The following FNBP1L variants were observed in gnomAD, a reference collection of about 807,000 sequenced individuals.
The protein encoded by FNBP1L is formin binding protein 1 like.
FNBP1L carries 36 observed loss-of-function variants against 91.2 expected under a neutral mutation model. The ratio of observed to expected loss-of-function variants is 0.39; its 90% CI spans 0.30 to 0.52. The LOEUF is 0.52. FNBP1L is among the 20% of genes least tolerant of loss of function. The pLI, the probability that FNBP1L is intolerant of heterozygous loss-of-function variation, is 0.66. For missense variants in FNBP1L, 571 were observed against 732.1 expected, an observed-to-expected ratio of 0.78 and a Z score of 2.54; for synonymous variants, 242 against 237.0, an observed-to-expected ratio of 1.02 and a Z score of -0.19.
chr1:93,450,109 C>G (rs962979125), intron 1 of FNBP1L, among the ~76,000 whole-genome samples: 1 of 151,782 alleles, frequency 6.6e-6, no homozygotes, highest in East Asian at 1.9e-4. Context: ...TTGTATCACA[C>G]TAAAGAATAA....
chr1:93,534,619 GT>G, intron 8 of FNBP1L, 85 bp from the exon 9 acceptor site: 4 of 798,326 alleles, frequency 5.0e-6, no homozygotes, highest in Non-Finnish European at 7.7e-6. Context: ...TATATTTGTT[GT>G]TTTTTTGTAC....
In FNBP1L at chr1:93,510,596, A is replaced by G. The variant is rs537954935; in HGVS notation, c.140+11013A>G. 4.1e-4 allele frequency among the ~76,000 whole-genome samples: 63 copies of G among 152,112 alleles called. 1 individual carries two copies. Among genetic ancestry groups the G allele is most frequent in the Admixed American group, 1.2e-3 (19 of 15,266 alleles). ...ACAGTTCCTCACCAGCAACGGAACA[A>G]AGCTGGACGGAGAATGACTTTGATG... On this transcript the variant is annotated intron_variant, in intron 2 of 16. Coordinates refer to ENST00000271234, the MANE Select transcript of FNBP1L (RefSeq NM_001164473.3).
intron 4 of FNBP1L, among the ~76,000 whole-genome samples, chr1:93,523,780 A>G (rs893519653): frequency 6.6e-6 from 1 of 152,234 alleles, no homozygotes; most frequent in Non-Finnish European, 1.5e-5. Flanking sequence ...AAAAAGAATA[A>G]TATTTCATGA....
chr1:93,516,543 C>T (rs955313071), intron 2 of FNBP1L, among the ~76,000 whole-genome samples: 2 of 152,206 alleles, frequency 1.3e-5, no homozygotes, highest in African/African-American at 4.8e-5. Flanking sequence ...GGGCTGGGCA[C>T]GATGGCTCAC....
chr1:93,457,149 ACTGGGGAT>A (rs1292105076), intron 1 of FNBP1L, among the ~76,000 whole-genome samples: 1 of 152,126 alleles, frequency 6.6e-6, no homozygotes, highest in African/African-American at 2.4e-5. Context: ...CTCCCAAAGC[ACTGGGGAT>A]TACAAGTGTG....
intron 12 of FNBP1L, among the ~76,000 whole-genome samples, chr1:93,545,652 T>C (rs1672197278): frequency 6.6e-6 from 1 of 152,046 alleles, no homozygotes; most frequent in South Asian, 2.1e-4. Context: ...AATTGAAAAC[T>C]GTATGAAGAG....
intron 2 of FNBP1L, among the ~76,000 whole-genome samples, chr1:93,501,087 T>C (rs1012271290): frequency 5.3e-5 from 8 of 152,118 alleles, no homozygotes; most frequent in Non-Finnish European, 8.8e-5. Flanking sequence ...AAATAAAAAT[T>C]CTATTTAAAT....
intron 1 of FNBP1L, among the ~76,000 whole-genome samples, chr1:93,453,109 A>G (rs1476674962): frequency 6.6e-6 from 1 of 152,180 alleles, no homozygotes; most frequent in Non-Finnish European, 1.5e-5. Context: ...CTACCACCTT[A>G]TATTACGGTT....
intron 1 of FNBP1L, among the ~76,000 whole-genome samples, chr1:93,477,203 T>C (rs1238875357): frequency 1.3e-5 from 2 of 152,184 alleles, no homozygotes; most frequent in Non-Finnish European, 2.9e-5. Context: ...CAAATGGTAA[T>C]TGTAGCTTGG....
chr1:93,501,142 A>G (rs1168081965), intron 2 of FNBP1L, among the ~76,000 whole-genome samples: 4 of 152,192 alleles, frequency 2.6e-5, no homozygotes. Flanking sequence ...TCAGATTTCT[A>G]TTGGAAAATT....
chr1:93,451,843 G>A (rs1298896700), intron 1 of FNBP1L, among the ~76,000 whole-genome samples: 3 of 151,978 alleles, frequency 2.0e-5, no homozygotes, highest in Non-Finnish European at 4.4e-5. Flanking sequence ...GTAGAAACAG[G>A]TTTTCACCAC....
At chr1:93,485,296 ATAGT>A (rs1669862475) in intron 1 of FNBP1L, among the ~76,000 whole-genome samples, 1 of 152,232 alleles carries the variant, frequency 6.6e-6, no homozygotes, top group African/African-American at 2.4e-5. Context: ...ATATGCTCTG[ATAGT>A]TTGTAAATTT....
chr1:93,450,388 A>G (rs1436801203), intron 1 of FNBP1L, among the ~76,000 whole-genome samples: 2 of 152,208 alleles, frequency 1.3e-5, no homozygotes, highest in Admixed American at 6.5e-5. Context: ...ATACATCTCC[A>G]TATTTTAAGA....
rs141163568 is a variant in FNBP1L, at chr1:93,452,081, T to C, written c.24+3776T>C. On this transcript the variant is annotated intron_variant, in intron 1 of 16. Transcript: ENST00000271234. ...CCTCAGTGTTAACCTTTTAATACTT[T>C]ATTATCTTGGCTTCATAACACTTTA... Among the ~76,000 whole-genome samples, 292 of 152,344 alleles carry C rather than the reference T, an allele frequency of 1.9e-3. 2 individuals carry two copies. Among genetic ancestry groups the C allele is most frequent in the African/African-American group, 6.7e-3 (280 of 41,574 alleles).
At chr1:93,507,107 A>ACT (rs545137195) in intron 2 of FNBP1L, among the ~76,000 whole-genome samples, 28 of 45,546 alleles carry the variant, frequency 6.1e-4, no homozygotes, top group Middle Eastern at 0.011. Context: ...ACACACACAC[A>ACT]CTCTCTCTCT....
intron 5 of FNBP1L, among the ~76,000 whole-genome samples, chr1:93,525,392 T>A (rs1221834118): frequency 6.6e-6 from 1 of 152,154 alleles, no homozygotes; most frequent in Non-Finnish European, 1.5e-5. Context: ...GATATTCTAA[T>A]CACCAGTGCT....
rs547916619 is a variant in FNBP1L at position 93,543,535 on chromosome 1, G to A, written c.1165-572G>A. Among the ~76,000 whole-genome samples, 10 of 152,236 alleles carry A rather than the reference G, an allele frequency of 6.6e-5. No individual in the cohort carries two copies. The East Asian group carries it at 1.9e-3, about 29-fold the overall frequency. ...GGTTTTTAATGACCAGGTATGTTTTGAATGGTTTAATCAGTTGTTCAAAGA... is the reference window on the plus strand; with the variant it reads ...GGTTTTTAATGACCAGGTATGTTTTAAATGGTTTAATCAGTTGTTCAAAGA... On this transcript the variant is annotated intron_variant, in intron 11 of 16. Transcript: ENST00000271234.
chr1:93,542,323 C>T (rs978855783), intron 11 of FNBP1L, among the ~76,000 whole-genome samples: 1 of 150,124 alleles, frequency 6.7e-6, no homozygotes, highest in Non-Finnish European at 1.5e-5. Flanking sequence ...TTAAATATGA[C>T]AAATTTATGT....
chr1:93,491,462 T>G (rs1670088166), intron 1 of FNBP1L, among the ~76,000 whole-genome samples: 1 of 151,978 alleles, frequency 6.6e-6, no homozygotes, highest in African/African-American at 2.4e-5. Flanking sequence ...TGATCACAGC[T>G]CTCTGTAACT....
Sources: allele counts gnomAD v4.1 joint callset (sites outside exome capture counted in the v4.1 genomes callset), GRCh38; gene constraint gnomAD v4.1.1; transcripts MANE v1.5; gene names NCBI Gene and HGNC (gene_info 2026-07-23, HGNC 2026-07-21).